ERC2: variants seen among roughly 807,000 people sequenced by gnomAD.
The protein encoded by ERC2 is ERC protein 2.
Under a neutral mutation model 114.8 loss-of-function variants are expected in ERC2, and 42 were observed. The ratio of observed to expected loss-of-function variants is 0.37; its 90% CI spans 0.29 to 0.47. The LOEUF (loss-of-function observed/expected upper bound fraction) is 0.47, where lower values mean the gene tolerates loss of function less well. Among genes scored for constraint, ERC2 ranks in the 20% least tolerant of loss-of-function variants. The pLI, the probability that ERC2 is intolerant of heterozygous loss-of-function variation, is 0.99. For missense variants in ERC2, 939 were observed against 1,150.7 expected (o/e 0.82, Z 2.66); for synonymous variants, 454 against 425.5 (o/e 1.07, Z -0.82).
chr3:56,160,863 CTGTTT>C (rs1465018399), intron 4 of ERC2, among the ~76,000 whole-genome samples: 1 of 152,108 alleles, frequency 6.6e-6, no homozygotes, highest in Non-Finnish European at 1.5e-5. Flanking sequence ...CAATACTATG[CTGTTT>C]TGTTTATTGT....
rs75070801 is a variant in ERC2, at chr3:56,307,746, C to T, written c.658-11311G>A. ...AAACAGCATTCTGCAGATGTTAATA[C>T]GTGTTCTGTTGGGGGAGTAGTGGAA... On this transcript the variant is annotated intron_variant, in intron 2 of 17. Transcript: ENST00000288221. 2.6e-4 allele frequency among the ~76,000 whole-genome samples: 40 copies of T among 151,946 alleles called. No homozygotes were observed. The East Asian group carries it at 4.6e-3, about 18-fold the overall frequency.
At chr3:56,005,028 A>G (rs1384350234) in intron 10 of ERC2, among the ~76,000 whole-genome samples, 1 of 152,026 alleles carries the variant, frequency 6.6e-6, no homozygotes, top group Non-Finnish European at 1.5e-5. Flanking sequence ...CAGAAATTAA[A>G]GACTACTGAA....
chr3:56,362,109 T>C (rs983363080), intron 2 of ERC2, among the ~76,000 whole-genome samples: 1 of 152,118 alleles, frequency 6.6e-6, no homozygotes, highest in African/African-American at 2.4e-5. Flanking sequence ...AGGTAGAGAA[T>C]GAACACTATA....
At chr3:55,581,677 C>G (rs1370106347) in intron 17 of ERC2, among the ~76,000 whole-genome samples, 1 of 152,158 alleles carries the variant, frequency 6.6e-6, no homozygotes, top group Admixed American at 6.5e-5. Flanking sequence ...AAATGATATG[C>G]AACGTTTCAA....
At chr3:56,358,340 C>CT (rs1286120818) in intron 2 of ERC2, among the ~76,000 whole-genome samples, 2 of 152,138 alleles carry the variant, frequency 1.3e-5, no homozygotes, top group Non-Finnish European at 1.5e-5. Flanking sequence ...ATCATAGTGT[C>CT]TGTTGTTTTA....
At chr3:55,768,011 T>C (rs567671553) in intron 14 of ERC2, among the ~76,000 whole-genome samples, 1 of 152,228 alleles carries the variant, frequency 6.6e-6, no homozygotes, top group Admixed American at 6.5e-5. Context: ...TCTCACAAGA[T>C]CTGGTTGTTT....
At chr3:55,553,474 T>C (rs929174205) in intron 17 of ERC2, among the ~76,000 whole-genome samples, 2 of 152,112 alleles carry the variant, frequency 1.3e-5, no homozygotes, top group Non-Finnish European at 2.9e-5. Context: ...CTGGCCCCAG[T>C]TCATGGTTAA....
chr3:55,618,067 G>C (rs2059191414), intron 17 of ERC2, among the ~76,000 whole-genome samples: 1 of 151,682 alleles, frequency 6.6e-6, no homozygotes, highest in Non-Finnish European at 1.5e-5. Context: ...ATATCATATG[G>C]GCAGTCATAA....
intron 17 of ERC2, among the ~76,000 whole-genome samples, chr3:55,564,584 G>A (rs2056244121): frequency 6.6e-6 from 1 of 152,208 alleles, no homozygotes; most frequent in South Asian, 2.1e-4. Context: ...TAGTTATAGA[G>A]TTTGTTACTT....
At chr3:56,336,131 C>CT (rs2057836766) in intron 2 of ERC2, among the ~76,000 whole-genome samples, 2 of 152,094 alleles carry the variant, frequency 1.3e-5, no homozygotes, top group Admixed American at 1.3e-4. Context: ...TTAGGGAAGT[C>CT]TAGGAAGTAG....
At chr3:55,838,843 A>G (rs1372808200) in intron 14 of ERC2, among the ~76,000 whole-genome samples, 2 of 151,962 alleles carry the variant, frequency 1.3e-5, no homozygotes, top group Admixed American at 1.3e-4. Context: ...TTGATGAAAT[A>G]AACCAGTTTC....
intron 14 of ERC2, among the ~76,000 whole-genome samples, chr3:55,857,680 A>T (rs1242756748): frequency 6.6e-6 from 1 of 152,218 alleles, no homozygotes; most frequent in Non-Finnish European, 1.5e-5. Context: ...GTAAATGATG[A>T]TGATTACAAT....
chr3:55,651,611 C>T (rs1455777117), intron 17 of ERC2, among the ~76,000 whole-genome samples: 1 of 152,150 alleles, frequency 6.6e-6, no homozygotes, highest in Non-Finnish European at 1.5e-5. Flanking sequence ...GAAGACTGCC[C>T]CACCCAGCCC....
intron 6 of ERC2, among the ~76,000 whole-genome samples, chr3:56,101,573 A>C (rs2078360291): frequency 6.6e-6 from 1 of 152,188 alleles, no homozygotes; most frequent in Non-Finnish European, 1.5e-5. Context: ...GGACTTACCC[A>C]TGGCCCCACA....
At chr3:55,523,675 G>A (rs1005100836) in intron 17 of ERC2, among the ~76,000 whole-genome samples, 1 of 152,324 alleles carries the variant, frequency 6.6e-6, no homozygotes, top group South Asian at 2.1e-4. Context: ...CATGAGGACA[G>A]GCTATGTGTG....
intron 14 of ERC2, among the ~76,000 whole-genome samples, chr3:55,867,050 T>C (rs2062354213): frequency 1.3e-5 from 2 of 152,004 alleles, no homozygotes; most frequent in African/African-American, 4.8e-5. Flanking sequence ...TGTTTTGTTT[T>C]GTTTTGTTTT....
chr3:55,902,062 T>G (rs1381436143), intron 13 of ERC2, among the ~76,000 whole-genome samples: 1 of 152,224 alleles, frequency 6.6e-6, no homozygotes, highest in African/African-American at 2.4e-5. Context: ...CAGTGCATCT[T>G]ATGCTAACCC....
intron 17 of ERC2, among the ~76,000 whole-genome samples, chr3:55,540,128 A>G (rs2054298047): frequency 6.6e-6 from 1 of 152,152 alleles, no homozygotes; most frequent in African/African-American, 2.4e-5. Context: ...TTTCCAGGCT[A>G]ATGCCTGTGG....
intron 3 of ERC2, among the ~76,000 whole-genome samples, chr3:56,194,315 T>C (rs1246464719): frequency 6.6e-6 from 1 of 152,150 alleles, no homozygotes; most frequent in African/African-American, 2.4e-5. Flanking sequence ...TATTTGCAGA[T>C]ATAATTAAAT....
Sources: allele counts gnomAD v4.1 joint callset (sites outside exome capture counted in the v4.1 genomes callset), GRCh38; gene constraint gnomAD v4.1.1; transcripts MANE v1.5; gene names NCBI Gene and HGNC (gene_info 2026-07-23, HGNC 2026-07-21).